Variants in NXPH1 observed in about 807,000 individuals in gnomAD.
NXPH1 encodes neurexophilin-1.
A neutral mutation model predicts 23.7 loss-of-function variants in NXPH1; 5 were observed. That is an observed-to-expected ratio of 0.21 (90% CI 0.11 to 0.44). NXPH1 has a LOEUF of 0.44. NXPH1 is among the 20% of genes least tolerant of loss of function. The pLI, the probability that NXPH1 is intolerant of heterozygous loss-of-function variation, is 0.99. For synonymous variants in NXPH1, 144 were observed against 122.2 expected (o/e 1.18, Z -1.18); for missense variants, 324 against 321.6 (o/e 1.01, Z -0.06).
chr7:8,436,389 A>T (rs1468232491), intron 2 of NXPH1, among the ~76,000 whole-genome samples: 1 of 152,132 alleles, frequency 6.6e-6, no homozygotes, highest in Non-Finnish European at 1.5e-5. Context: ...TCAAATAACT[A>T]AATCCCATCT....
intron 2 of NXPH1, among the ~76,000 whole-genome samples, chr7:8,551,032 T>C (rs985228454): frequency 3.3e-5 from 5 of 151,510 alleles, no homozygotes; most frequent in Non-Finnish European, 7.4e-5. Context: ...CAGTTTTAAA[T>C]AAAACTTCTA....
At chr7:8,738,600 T>G (rs1035813502) in intron 2 of NXPH1, among the ~76,000 whole-genome samples, 5 of 151,936 alleles carry the variant, frequency 3.3e-5, no homozygotes, top group Non-Finnish European at 7.4e-5. Context: ...GGCACGGGAG[T>G]GAGGGACCCA....
intron 2 of NXPH1, among the ~76,000 whole-genome samples, chr7:8,450,951 C>T (rs1361069986): frequency 6.6e-6 from 1 of 152,120 alleles, no homozygotes; most frequent in African/African-American, 2.4e-5. Flanking sequence ...AACCTTTTAG[C>T]ACTTCATTGT....
At chr7:8,553,320 C>G (rs12155182) in intron 2 of NXPH1, among the ~76,000 whole-genome samples, 1 of 143,900 alleles carries the variant, frequency 6.9e-6, no homozygotes, top group Non-Finnish European at 1.5e-5. Flanking sequence ...ATTTTTTTTT[C>G]TGAGGAAGGT....
At chr7:8,552,778 C>T (rs766137759) in intron 2 of NXPH1, among the ~76,000 whole-genome samples, 17 of 151,494 alleles carry the variant, frequency 1.1e-4, no homozygotes, top group Non-Finnish European at 2.1e-4. Context: ...TGTCACCATT[C>T]GACTACCCTT....
chr7:8,666,296 T>C (rs560550718), intron 2 of NXPH1, among the ~76,000 whole-genome samples: 3 of 152,230 alleles, frequency 2.0e-5, no homozygotes, highest in African/African-American at 4.8e-5. Context: ...TCTATTGATA[T>C]GATCATATGG....
chr7:8,668,034 C>T (rs79847043), intron 2 of NXPH1, among the ~76,000 whole-genome samples: 1,630 of 148,260 alleles, frequency 0.011, 27 homozygotes, highest in African/African-American at 0.037. Flanking sequence ...TTTCCAGCTC[C>T]GGGATTTCTG....
chr7:8,546,987 A>T (rs889201895), intron 2 of NXPH1, among the ~76,000 whole-genome samples: 4 of 151,424 alleles, frequency 2.6e-5, no homozygotes, highest in African/African-American at 9.7e-5. Context: ...TCATGTAATC[A>T]CTTGAAATGG....
chr7:8,582,624 G>T (rs1414138265), intron 2 of NXPH1, among the ~76,000 whole-genome samples: 3 of 152,176 alleles, frequency 2.0e-5, no homozygotes, highest in South Asian at 2.1e-4. Flanking sequence ...GTAGCTGGTA[G>T]TTCAGACAAC....
chr7:8,584,551 C>T (rs1361185681), intron 2 of NXPH1, among the ~76,000 whole-genome samples: 1 of 152,134 alleles, frequency 6.6e-6, no homozygotes, highest in African/African-American at 2.4e-5. Flanking sequence ...GACAAATACA[C>T]ACTCAGAGAT....
At chr7:8,700,994 G>A (rs1779615698) in intron 2 of NXPH1, among the ~76,000 whole-genome samples, 1 of 151,976 alleles carries the variant, frequency 6.6e-6, no homozygotes, top group African/African-American at 2.4e-5. Flanking sequence ...TATAAATAAT[G>A]CTTTTTTGGA....
intron 2 of NXPH1, among the ~76,000 whole-genome samples, chr7:8,568,421 A>G (rs138657098): frequency 1.1e-3 from 161 of 151,968 alleles, no homozygotes; most frequent in African/African-American, 3.6e-3. Context: ...AGGCCCCAAA[A>G]TAGCAGCTTA....
chr7:8,676,131 C>T (rs1820948206), intron 2 of NXPH1, among the ~76,000 whole-genome samples: 1 of 152,164 alleles, frequency 6.6e-6, no homozygotes, highest in South Asian at 2.1e-4. Flanking sequence ...CATTTCAATG[C>T]AGTTGCTGCT....
chr7:8,492,722 C>T (rs1379400366), intron 2 of NXPH1, among the ~76,000 whole-genome samples: 1 of 152,006 alleles, frequency 6.6e-6, no homozygotes, highest in Admixed American at 6.6e-5. Flanking sequence ...CACAATAATG[C>T]TGATGCTGTT....
chr7:8,679,479 T>C (rs1452618833), intron 2 of NXPH1, among the ~76,000 whole-genome samples: 1 of 152,338 alleles, frequency 6.6e-6, no homozygotes, highest in South Asian at 2.1e-4. Flanking sequence ...GTTTAATTGA[T>C]AACGTTAGAG....
intron 2 of NXPH1, among the ~76,000 whole-genome samples, chr7:8,436,825 C>T (rs1395781730): frequency 6.6e-6 from 1 of 152,160 alleles, no homozygotes; most frequent in Non-Finnish European, 1.5e-5. Context: ...ACTGGCGCTC[C>T]TCAATCCCAA....
intron 2 of NXPH1, among the ~76,000 whole-genome samples, chr7:8,674,203 A>ACACACACACACACC (rs749254159): frequency 9.5e-5 from 11 of 115,302 alleles, no homozygotes; most frequent in Non-Finnish European, 1.6e-4. Flanking sequence ...ACACACACAC[A>ACACACACACACACC]CCTATGCAAT....
At chr7:8,499,886 C>T (rs570783826) in intron 2 of NXPH1, among the ~76,000 whole-genome samples, 10 of 152,166 alleles carry the variant, frequency 6.6e-5, no homozygotes, top group African/African-American at 1.2e-4. Context: ...CCTCCTTGTG[C>T]GGCCACATTA....
intron 2 of NXPH1, among the ~76,000 whole-genome samples, chr7:8,733,024 C>T (rs985469751): frequency 3.3e-5 from 5 of 152,078 alleles, no homozygotes; most frequent in Admixed American, 2.0e-4. Flanking sequence ...CTATCCCTCC[C>T]CTAGCCCCCT....
Sources: gnomAD v4.1 joint callset for allele counts (sites outside exome capture counted in the v4.1 genomes callset) on GRCh38, gnomAD v4.1.1 for gene constraint, MANE v1.5 for transcripts, NCBI Gene and HGNC (gene_info 2026-07-23, HGNC 2026-07-21) for gene names.